Variants in PCDH9 observed in about 807,000 individuals in gnomAD.
PCDH9 encodes the protein protocadherin 9.
PCDH9 carries 24 observed loss-of-function variants against 70.6 expected under a neutral mutation model. The observed-to-expected ratio is 0.34, with a 90% CI of 0.25 to 0.48. The LOEUF is 0.48. PCDH9 is among the 20% of genes least tolerant of loss of function. The pLI is 0.99. For missense variants in PCDH9, 1,281 were observed against 1,503.6 expected, an observed-to-expected ratio of 0.85 and a Z score of 2.45; for synonymous variants, 562 against 558.5, an observed-to-expected ratio of 1.01 and a Z score of -0.09.
intron 2 of PCDH9, among the ~76,000 whole-genome samples, chr13:67,036,173 G>A (rs2085005276): frequency 6.6e-6 from 1 of 152,130 alleles, no homozygotes; most frequent in African/African-American, 2.4e-5. Context: ...TAAACAAAAT[G>A]TATTCAGATA....
intron 4 of PCDH9, among the ~76,000 whole-genome samples, chr13:66,499,087 G>A (rs1362539861): frequency 2.0e-5 from 3 of 151,836 alleles, no homozygotes; most frequent in African/African-American, 7.3e-5. Context: ...ATATGGATGG[G>A]AGAGACAAAA....
At chr13:66,626,679 C>T (rs1030058906) in intron 4 of PCDH9, among the ~76,000 whole-genome samples, 2 of 152,070 alleles carry the variant, frequency 1.3e-5, no homozygotes, top group Admixed American at 1.3e-4. Context: ...GCTCTGTTTC[C>T]AGCACAAAAA....
intron 4 of PCDH9, among the ~76,000 whole-genome samples, chr13:66,387,762 A>G (rs1338864479): frequency 1.3e-5 from 2 of 152,124 alleles, no homozygotes; most frequent in African/African-American, 4.8e-5. Flanking sequence ...ATATAGCAAC[A>G]TAAATGGACT....
At chr13:66,762,907 TA>T in intron 3 of PCDH9, among the ~76,000 whole-genome samples, 1 of 152,198 alleles carries the variant, frequency 6.6e-6, no homozygotes, top group South Asian at 2.1e-4. Flanking sequence ...AGTTCATATT[TA>T]AATTCAGAAA....
At chr13:66,507,200 C>T (rs1566377625) in intron 4 of PCDH9, among the ~76,000 whole-genome samples, 1 of 131,526 alleles carries the variant, frequency 7.6e-6, no homozygotes, top group Non-Finnish European at 1.7e-5. Flanking sequence ...CTCAGACTTG[C>T]AAAAGTGATT....
intron 4 of PCDH9, among the ~76,000 whole-genome samples, chr13:66,575,368 A>T (rs1185510479): frequency 6.6e-6 from 1 of 152,090 alleles, no homozygotes; most frequent in Non-Finnish European, 1.5e-5. Context: ...CAGTTGCTTA[A>T]GTCAGAAATC....
chr13:66,868,099 A>C (rs2081608000), intron 3 of PCDH9, among the ~76,000 whole-genome samples: 1 of 152,054 alleles, frequency 6.6e-6, no homozygotes, highest in African/African-American at 2.4e-5. Context: ...AAATGACGAA[A>C]TGTAATGAGT....
At chr13:67,045,755 T>C (rs1254613960) in intron 2 of PCDH9, among the ~76,000 whole-genome samples, 2 of 152,178 alleles carry the variant, frequency 1.3e-5, no homozygotes, top group African/African-American at 2.4e-5. Context: ...TTGAATATGA[T>C]GTGAGGCTTC....
At chr13:66,537,085 G>A (rs967871379) in intron 4 of PCDH9, among the ~76,000 whole-genome samples, 2 of 152,134 alleles carry the variant, frequency 1.3e-5, no homozygotes, top group African/African-American at 4.8e-5. Flanking sequence ...TGGAAAGGAT[G>A]AGGATAACTG....
chr13:66,562,500 A>T (rs955413837), intron 4 of PCDH9, among the ~76,000 whole-genome samples: 2 of 152,190 alleles, frequency 1.3e-5, no homozygotes, highest in African/African-American at 4.8e-5. Flanking sequence ...ATCATGGCGG[A>T]AGGCAAAGTA....
intron 3 of PCDH9, among the ~76,000 whole-genome samples, chr13:66,691,020 T>C (rs548927660): frequency 1.3e-5 from 2 of 152,274 alleles, no homozygotes; most frequent in South Asian, 4.1e-4. Context: ...CATTTTATTT[T>C]GTAAATTTTA....
At chr13:66,421,438 T>A (rs1369672833) in intron 4 of PCDH9, among the ~76,000 whole-genome samples, 1 of 152,172 alleles carries the variant, frequency 6.6e-6, no homozygotes, top group African/African-American at 2.4e-5. Flanking sequence ...AAAGGTCTGG[T>A]TACCCACAAA....
intron 2 of PCDH9, among the ~76,000 whole-genome samples, chr13:67,049,596 G>T (rs2085285310): frequency 6.6e-6 from 1 of 152,238 alleles, no homozygotes; most frequent in Admixed American, 6.5e-5. Context: ...TCTGAGGATG[G>T]CGATAAAGGA....
At chr13:66,482,368 C>T (rs1387494534) in intron 4 of PCDH9, among the ~76,000 whole-genome samples, 2 of 152,174 alleles carry the variant, frequency 1.3e-5, no homozygotes, top group Admixed American at 1.3e-4. Flanking sequence ...GCAGCCTTAG[C>T]CACTGCTGTC....
At chr13:66,838,774 GTACTAGAATTATT>G (rs1486283198) in intron 3 of PCDH9, among the ~76,000 whole-genome samples, 2 of 151,954 alleles carry the variant, frequency 1.3e-5, no homozygotes, top group African/African-American at 4.8e-5. Flanking sequence ...AAAACATGAT[GTACTAGAATTATT>G]TAGAGCAACT....
At chr13:66,928,657 C>G (rs1047386017) in intron 2 of PCDH9, among the ~76,000 whole-genome samples, 1 of 151,940 alleles carries the variant, frequency 6.6e-6, no homozygotes, top group African/African-American at 2.4e-5. Flanking sequence ...CATGTTTGCC[C>G]CTTCTACTAT....
chr13:66,769,462 G>A (rs1361005966), intron 3 of PCDH9, among the ~76,000 whole-genome samples: 8 of 151,666 alleles, frequency 5.3e-5, no homozygotes, highest in South Asian at 2.1e-4. Context: ...GAAGTTTTCC[G>A]GCATCGTAGT....
At chr13:66,397,846 A>G (rs1213614053) in intron 4 of PCDH9, among the ~76,000 whole-genome samples, 1 of 151,968 alleles carries the variant, frequency 6.6e-6, no homozygotes, top group Non-Finnish European at 1.5e-5. Context: ...AAAATAACAA[A>G]AAATTATTGG....
intron 3 of PCDH9, among the ~76,000 whole-genome samples, chr13:66,887,889 A>T (rs1594210100): frequency 6.6e-6 from 1 of 152,322 alleles, no homozygotes; most frequent in East Asian, 1.9e-4. Flanking sequence ...ACAAACCTAA[A>T]AGTCATAATA....
Sources: allele counts gnomAD v4.1 joint callset (sites outside exome capture counted in the v4.1 genomes callset), GRCh38; gene constraint gnomAD v4.1.1; transcripts MANE v1.5; gene names NCBI Gene and HGNC (gene_info 2026-07-23, HGNC 2026-07-21).